The following CYB5RL variants were observed in gnomAD, a reference collection of about 807,000 sequenced individuals.
The protein encoded by CYB5RL is NADH-cytochrome b5 reductase-like.
In CYB5RL, 38 loss-of-function variants were observed where a neutral mutation model predicts 37.5. The observed-to-expected ratio is 1.01, with a 90% CI of 0.78 to 1.33. The LOEUF (loss-of-function observed/expected upper bound fraction) is 1.33. Among genes scored for constraint, CYB5RL ranks in the 40% most tolerant of loss-of-function variants. CYB5RL has a pLI of 0.00. For missense variants in CYB5RL, 388 were observed against 394.4 expected (o/e 0.98, Z 0.14); for synonymous variants, 141 against 151.9 (o/e 0.93, Z 0.53).
rs984122793 is a variant in CYB5RL, at chr1:54,196,368, C to T, written c.-100+1G>A. The T allele has an allele frequency of 2.0e-5, 3 of 151,918 alleles. No individual in the cohort carries two copies. Among genetic ancestry groups the T allele is most frequent in the Non-Finnish European group, 4.4e-5 (3 of 67,978 alleles). 9.4% of individuals were successfully genotyped at this position (151,918 alleles called of 1,614,324 possible). A position where few individuals can be genotyped will look rare whatever the true frequency, so the allele number is the denominator to read the frequency against. On this transcript the variant is annotated splice_donor_variant, in intron 2 of 7. Transcript: ENST00000534324. LOFTEE classifies it low-confidence loss of function (5UTR_SPLICE). The stretch of plus-strand genomic sequence containing the variant: ...ATACCTGGCTAATTTTTTTTACTTA[C>T]ATTTTGTAGAGACAGGGTCTCACTA...
At chr1:54,176,733 CA>C (rs1457775855) in intron 7 of CYB5RL, among the ~76,000 whole-genome samples, 1 of 152,194 alleles carries the variant, frequency 6.6e-6, no homozygotes, top group African/African-American at 2.4e-5. Context: ...CAGCCTATCC[CA>C]CCATGCACCC....
At chr1:54,187,611 T>C (rs746455260) in intron 5 of CYB5RL, 41 bp downstream of exon 5, 1 of 1,588,146 alleles carries the variant, frequency 6.3e-7, no homozygotes, top group Non-Finnish European at 8.6e-7. Context: ...GACCCATAGC[T>C]TCTCCACGGC....
In CYB5RL at chr1:54,171,304, T is replaced by C. The variant is rs10493175; in HGVS notation, c.*3315A>G. 0.18 allele frequency: 81,335 copies of C among 455,980 alleles called. 8,056 individuals carry two copies. Among genetic ancestry groups the C allele is most frequent in the Non-Finnish European group, 0.22 (50,270 of 226,706 alleles). The allele number at this position is 455,980 out of a possible 1,614,324, so 28.2% of individuals were successfully genotyped here. A position where few individuals can be genotyped will look rare whatever the true frequency, so the allele number is the denominator to read the frequency against. On this transcript the variant is annotated 3_prime_UTR_variant, in exon 8 of 8. Coordinates refer to ENST00000534324, the MANE Select transcript of CYB5RL (RefSeq NM_001031672.4). ...AGGTGGGTGTGAGTGGGCGGTGGCA[T>C]ACAAAAAGTCTGGAGAGGTGGCAGA...
intron 7 of CYB5RL, among the ~76,000 whole-genome samples, chr1:54,176,980 G>A (rs1660037533): frequency 6.6e-6 from 1 of 152,218 alleles, no homozygotes; most frequent in African/African-American, 2.4e-5. Flanking sequence ...AATGGCGTGA[G>A]CAAAGGCCCA....
chr1:54,180,519 G>C (rs1660133606), intron 6 of CYB5RL, among the ~76,000 whole-genome samples: 2 of 151,854 alleles, frequency 1.3e-5, no homozygotes, highest in African/African-American at 4.8e-5. Context: ...CAGGAGAATG[G>C]CGTGATCCTG....
rs1335315955 is a variant in CYB5RL, at chr1:54,169,726, G to A, written c.*4893C>T. On this transcript the variant is annotated 3_prime_UTR_variant, in exon 8 of 8. Coordinates refer to ENST00000534324, the MANE Select transcript of CYB5RL (RefSeq NM_001031672.4). Reference sequence around the variant, plus strand: ...AGAAAATAATATAGTAGACATTGGGGAACTCATTGCCCAGATTTACCAGGG... The same window carrying A: ...AGAAAATAATATAGTAGACATTGGGAAACTCATTGCCCAGATTTACCAGGG... The A allele has an allele frequency of 1.3e-5, 2 of 152,134 alleles. No homozygotes were observed. Among genetic ancestry groups the A allele is most frequent in the East Asian group, 3.8e-4 (2 of 5,200 alleles). The allele number at this position is 152,134 out of a possible 1,614,324, so 9.4% of individuals were successfully genotyped here.
intron 5 of CYB5RL, chr1:54,184,974 G>A (rs2100468518): frequency 6.6e-6 from 1 of 152,358 alleles, no homozygotes; most frequent in South Asian, 2.1e-4. Context: ...TATTGCCTGG[G>A]TGCCTGTCCA....
chr1:54,194,642 C>A (rs1465536323), intron 3 of CYB5RL, among the ~76,000 whole-genome samples: 5 of 151,470 alleles, frequency 3.3e-5, no homozygotes, highest in Admixed American at 1.3e-4. Flanking sequence ...GATTCCATCT[C>A]TACAAAAAAG....
intron 4 of CYB5RL, among the ~76,000 whole-genome samples, chr1:54,189,172 G>GC (rs1643927583): frequency 6.7e-6 from 1 of 148,932 alleles, no homozygotes; most frequent in Admixed American, 6.8e-5. Flanking sequence ...GACAGAGTGA[G>GC]ACTCTGTCTC....
chr1:54,173,379 C>T lies in CYB5RL; in HGVS notation c.*1240G>A, dbSNP rs1047868306. ...CTTTCACTGCTGCTATGCAAAGAACCCTTGCTTCCTGTAGAGCGCAGTTCG... is the reference window on the plus strand; with the variant it reads ...CTTTCACTGCTGCTATGCAAAGAACTCTTGCTTCCTGTAGAGCGCAGTTCG... On this transcript the variant is annotated 3_prime_UTR_variant, in exon 8 of 8. Transcript: ENST00000534324. 1 of 152,144 alleles carries T rather than the reference C, an allele frequency of 6.6e-6. No individual in the cohort carries two copies. The highest frequency in any genetic ancestry group is 2.1e-4 in the South Asian group (1 of 4,834). 9.4% of individuals were successfully genotyped at this position (152,144 alleles called of 1,614,324 possible).
rs1659875484 is a variant in CYB5RL, at chr1:54,170,872, G to C, written c.*3747C>G. 3.1e-6 allele frequency: 1 copy of C among 321,698 alleles called. No homozygotes were observed. The highest frequency in any genetic ancestry group is 2.7e-5 in the South Asian group (1 of 37,234). The allele number at this position is 321,698 out of a possible 1,614,324, so 19.9% of individuals were successfully genotyped here. On this transcript the variant is annotated 3_prime_UTR_variant, in exon 8 of 8. Coordinates refer to ENST00000534324, the MANE Select transcript of CYB5RL (RefSeq NM_001031672.4). ...ATCAGTAAATTGGGGTAATAAAATAGCATGTATATTGGTGAAGATTCTTGC... is the reference window on the plus strand; with the variant it reads ...ATCAGTAAATTGGGGTAATAAAATACCATGTATATTGGTGAAGATTCTTGC...
chr1:54,188,789 C>T (rs527958650), intron 4 of CYB5RL, among the ~76,000 whole-genome samples: 9 of 152,330 alleles, frequency 5.9e-5, no homozygotes, highest in Admixed American at 3.3e-4. Flanking sequence ...TCTCTCAAGT[C>T]CTACTACGTA....
intron 1 of CYB5RL, among the ~76,000 whole-genome samples, chr1:54,197,481 G>A (rs1012178849): frequency 6.6e-6 from 1 of 151,884 alleles, no homozygotes; most frequent in African/African-American, 2.4e-5. Flanking sequence ...CCAACACAAT[G>A]CCCGGCTAGG....
rs763991187 is a variant in CYB5RL, at chr1:54,190,808, C to T, written c.287G>A (p.Arg96Gln). The T allele has an allele frequency of 2.1e-5, 33 of 1,583,172 alleles. 1 individual carries two copies. The highest frequency in any genetic ancestry group is 1.7e-4 in the Middle Eastern group (1 of 6,022). Residue 96 changes from arginine to glutamine, a missense_variant, in exon 4 of 8, where the codon CGG becomes CAG. Physicochemically the swap from Arg to Gln is conservative, Grantham distance 43 (BLOSUM62 1). Transcript: ENST00000534324. ...DRLTKDTYRV[R>Q]FALPGNSQLG... Reference sequence around the variant, plus strand: ...CTGGCTGTTCCCGGGTAGAGCAAACCGGACACGGTAGGTGTCCTTAGTGAG... The same window carrying T: ...CTGGCTGTTCCCGGGTAGAGCAAACTGGACACGGTAGGTGTCCTTAGTGAG...
rs765433692 is a variant in CYB5RL at position 54,179,222 on chromosome 1, C to T, written c.671G>A (p.Ser224Asn). ...TLVGCFKTFE[S>N]IYLKTFLQEQ... ...TTGGAGGAAGGTTTTCAGGTAGATGCTCTCAAAGGTCTTGAAGCAACCGAC... is the reference window on the plus strand; with the variant it reads ...TTGGAGGAAGGTTTTCAGGTAGATGTTCTCAAAGGTCTTGAAGCAACCGAC... The change falls in exon 7 of 8, where the codon AGC becomes AAC. Residue 224 changes from serine (S) to asparagine (N), a missense_variant. Physicochemically the swap from Ser to Asn is conservative, Grantham distance 46. Coordinates refer to ENST00000534324, the MANE Select transcript of CYB5RL (RefSeq NM_001031672.4). 4 of 1,613,650 alleles carry T rather than the reference C, an allele frequency of 2.5e-6. No individual in the cohort carries two copies. In the South Asian group the frequency reaches 4.4e-5, roughly 18 times the overall value.
Position 54,190,768 on chromosome 1 carries a change from G to T in CYB5RL, c.327C>A (p.Pro109=). 4 of 1,555,530 alleles carry T rather than the reference G, an allele frequency of 2.6e-6. No homozygotes were observed. The highest frequency in any genetic ancestry group is 2.6e-6 in the Non-Finnish European group (3 of 1,149,274). The change falls in exon 4 of 8, where the codon CCC becomes CCA. Residue 109 remains proline, a synonymous_variant. Transcript: ENST00000534324. The stretch of plus-strand genomic sequence containing the variant: ...TGTACCGTAGGATGAGGTGCTGGCC[G>T]GGCCGCAGGCCAAGCTGGCTGTTCC... ...LPGNSQLGLR[P]GQHLILRGIV... is the part of the protein sequence containing the mutation.
chr1:54,184,530 T>C, intron 5 of CYB5RL: 1 of 369,956 alleles, frequency 2.7e-6, no homozygotes. Flanking sequence ...CAAACCCAAA[T>C]GCCCACAGGG....
In CYB5RL at chr1:54,190,775, A is replaced by C. The variant is rs770587611; in HGVS notation, c.320T>G (p.Leu107Arg). The C allele has an allele frequency of 6.4e-7, 1 of 1,559,334 alleles. No homozygotes were observed. Among genetic ancestry groups the C allele is most frequent in the Non-Finnish European group, 8.7e-7 (1 of 1,151,554 alleles). Residue 107 changes from leucine (L) to arginine (R), a missense_variant, in exon 4 of 8, where the codon CTG becomes CGG. Leu to Arg is a moderately radical substitution (Grantham distance 102, BLOSUM62 -2). Transcript: ENST00000534324. ...TAGGATGAGGTGCTGGCCGGGCCGC[A>C]GGCCAAGCTGGCTGTTCCCGGGTAG... ...FALPGNSQLG[L>R]RPGQHLILRG...
intron 4 of CYB5RL, chr1:54,188,022 G>A (rs1319070210): frequency 2.3e-6 from 1 of 430,566 alleles, no homozygotes; most frequent in African/African-American, 2.0e-5. Context: ...GTTTCAGTGA[G>A]CTGAGATCAT....
Sources: allele counts gnomAD v4.1 joint callset (sites outside exome capture counted in the v4.1 genomes callset), GRCh38; gene constraint gnomAD v4.1.1; transcripts MANE v1.5; gene names NCBI Gene and HGNC (gene_info 2026-07-23, HGNC 2026-07-21).